CDH12: variants seen among roughly 807,000 people sequenced by gnomAD.
The protein encoded by CDH12 is cadherin 12, also known as cadherin-12.
CDH12 carries 41 observed loss-of-function variants against 74.1 expected under a neutral mutation model. That is an observed-to-expected ratio of 0.55 (90% CI 0.43 to 0.72). The LOEUF is 0.72. CDH12 is among the 30% of genes least tolerant of loss of function. The pLI is 0.00. For missense variants in CDH12, 945 were observed against 977.2 expected (o/e 0.97, Z 0.44); for synonymous variants, 399 against 355.0 (o/e 1.12, Z -1.39).
At chr5:22,230,564 C>T (rs1199412473) in intron 3 of CDH12, among the ~76,000 whole-genome samples, 1 of 151,648 alleles carries the variant, frequency 6.6e-6, no homozygotes, top group African/African-American at 2.4e-5. Context: ...CTCCACCTCC[C>T]GGTTTAAGCG....
At chr5:22,189,887 G>A (rs1750172305) in intron 4 of CDH12, among the ~76,000 whole-genome samples, 1 of 152,088 alleles carries the variant, frequency 6.6e-6, no homozygotes, top group Non-Finnish European at 1.5e-5. Flanking sequence ...GCTGCATTTT[G>A]TTGTGACTCC....
At chr5:22,361,284 T>C (rs1284730831) in intron 3 of CDH12, among the ~76,000 whole-genome samples, 41 of 151,956 alleles carry the variant, frequency 2.7e-4, no homozygotes, top group African/African-American at 2.4e-5. Context: ...TATACACTAA[T>C]AACAGACAAA....
At chr5:22,112,163 A>G (rs1744853484) in intron 4 of CDH12, among the ~76,000 whole-genome samples, 1 of 152,122 alleles carries the variant, frequency 6.6e-6, no homozygotes, top group Non-Finnish European at 1.5e-5. Context: ...GTAATTGAAA[A>G]AAAACACTTC....
intron 1 of CDH12, among the ~76,000 whole-genome samples, chr5:22,613,189 C>T (rs1050727449): frequency 4.0e-5 from 6 of 151,836 alleles, no homozygotes; most frequent in African/African-American, 1.5e-4. Flanking sequence ...AATGGAAAAC[C>T]TGGAACATTT....
At chr5:22,794,952 C>CATAT (rs752321372) in intron 1 of CDH12, among the ~76,000 whole-genome samples, 1 of 150,488 alleles carries the variant, frequency 6.6e-6, no homozygotes, top group African/African-American at 2.4e-5. Context: ...ATACATATGT[C>CATAT]ATATATATAT....
intron 1 of CDH12, among the ~76,000 whole-genome samples, chr5:22,720,572 G>T (rs1743830153): frequency 1.3e-5 from 2 of 152,138 alleles, no homozygotes; most frequent in Admixed American, 1.3e-4. Flanking sequence ...ACAGTCAGAG[G>T]TTGGAACAGT....
In CDH12 at chr5:21,778,892, T is replaced by C. The variant is rs190882028; in HGVS notation, c.1393+4466A>G. Among the ~76,000 whole-genome samples, 336 of 152,296 alleles carry C rather than the reference T, an allele frequency of 2.2e-3. 2 individuals carry two copies. Among genetic ancestry groups the C allele is most frequent in the Middle Eastern group, 0.014 (4 of 292 alleles). ...TCTGTACATATAAGGATAATATTACTTCATGTGAAATTTTAAAAAGTTACA... is the reference window on the plus strand; with the variant it reads ...TCTGTACATATAAGGATAATATTACCTCATGTGAAATTTTAAAAAGTTACA... On this transcript the variant is annotated intron_variant, in intron 11 of 14. Coordinates refer to ENST00000382254, the MANE Select transcript of CDH12 (RefSeq NM_004061.5).
chr5:22,020,597 C>A (rs1170777806), intron 5 of CDH12, among the ~76,000 whole-genome samples: 1 of 151,436 alleles, frequency 6.6e-6, no homozygotes, highest in Non-Finnish European at 1.5e-5. Flanking sequence ...GATCGAGATT[C>A]ATGTCAATTG....
At chr5:22,148,097 G>T (rs145045531) in intron 4 of CDH12, among the ~76,000 whole-genome samples, 1 of 151,998 alleles carries the variant, frequency 6.6e-6, no homozygotes, top group Non-Finnish European at 1.5e-5. Context: ...CCTGTACAGC[G>T]CCCCTTTTCT....
chr5:22,004,575 G>A lies in CDH12; in HGVS notation c.232-29190C>T, dbSNP rs1489269810. Among the ~76,000 whole-genome samples the A allele has an allele frequency of 3.9e-5, 6 of 152,212 alleles. No individual in the cohort carries two copies. In the East Asian group the frequency reaches 7.7e-4, roughly 20 times the overall value. On this transcript the variant is annotated intron_variant, in intron 5 of 14. Transcript: ENST00000382254. The stretch of plus-strand genomic sequence containing the variant: ...CTAGAGAGCTATTCCCTAGATATCC[G>A]CATGGCTAATTCTCACTTCTTTCAG...
At chr5:22,591,631 G>T (rs1452391833) in intron 1 of CDH12, among the ~76,000 whole-genome samples, 1 of 151,984 alleles carries the variant, frequency 6.6e-6, no homozygotes, top group Non-Finnish European at 1.5e-5. Context: ...GACTCATTCA[G>T]TATCTTAGTT....
At chr5:21,950,797 T>C (rs2150100489) in intron 6 of CDH12, among the ~76,000 whole-genome samples, 1 of 138,992 alleles carries the variant, frequency 7.2e-6, no homozygotes, top group Non-Finnish European at 1.5e-5. Flanking sequence ...ATTATTATTA[T>C]TATTTTGAGA....
At chr5:21,831,945 A>G (rs116426385) in intron 8 of CDH12, among the ~76,000 whole-genome samples, 2,553 of 152,194 alleles carry the variant, frequency 0.017, 67 homozygotes, top group African/African-American at 0.058. Context: ...AAGTCACTTA[A>G]AGTGAGCTGG....
intron 5 of CDH12, among the ~76,000 whole-genome samples, chr5:22,066,290 T>C (rs2150211304): frequency 6.6e-6 from 1 of 152,294 alleles, no homozygotes; most frequent in Non-Finnish European, 1.5e-5. Context: ...AACCCAATTT[T>C]TAGTCTTTTA....
chr5:21,759,498 T>C (rs1288733638), intron 13 of CDH12, among the ~76,000 whole-genome samples: 2 of 152,026 alleles, frequency 1.3e-5, no homozygotes, highest in Non-Finnish European at 2.9e-5. Context: ...GTAACATGTT[T>C]TAGGCATTTT....
At chr5:22,353,070 C>T (rs1235160465) in intron 3 of CDH12, among the ~76,000 whole-genome samples, 4 of 152,244 alleles carry the variant, frequency 2.6e-5, no homozygotes, top group African/African-American at 7.2e-5. Context: ...TACCATGACA[C>T]AATTTGTGAA....
At chr5:21,752,319 G>C (rs1337755029) in intron 14 of CDH12, 83 bp from the exon 15 acceptor site, 14 of 1,290,876 alleles carry the variant, frequency 1.1e-5, no homozygotes, top group Non-Finnish European at 1.3e-5. Context: ...AAATGATTAG[G>C]GGTGGCTGAG....
At chr5:22,038,995 G>A (rs62349095) in intron 5 of CDH12, among the ~76,000 whole-genome samples, 14,835 of 152,132 alleles carry the variant, frequency 0.098, 948 homozygotes, top group Non-Finnish European at 0.14. Context: ...TAGCTGTGAC[G>A]CTTCTTGTCT....
intron 4 of CDH12, among the ~76,000 whole-genome samples, chr5:22,170,336 G>C (rs1748946800): frequency 6.6e-6 from 1 of 151,762 alleles, no homozygotes; most frequent in Admixed American, 6.6e-5. Context: ...TGAATGTATT[G>C]AATAATTCAA....
Sources: allele counts gnomAD v4.1 joint callset (sites outside exome capture counted in the v4.1 genomes callset), GRCh38; gene constraint gnomAD v4.1.1; transcripts MANE v1.5; gene names NCBI Gene and HGNC (gene_info 2026-07-23, HGNC 2026-07-21).